CTNNA2: variants seen among roughly 807,000 people sequenced by gnomAD.
CTNNA2 encodes catenin alpha-2.
Under a neutral mutation model 101.0 loss-of-function variants are expected in CTNNA2, and 42 were observed. The observed-to-expected ratio is 0.42, with a 90% CI of 0.32 to 0.54. The LOEUF is 0.54. CTNNA2 is among the 20% of genes least tolerant of loss of function. CTNNA2 has a pLI of 0.14. For synonymous variants in CTNNA2, 450 were observed against 456.4 expected, an observed-to-expected ratio of 0.99 and a Z score of 0.18; for missense variants, 871 against 1,223.1, an observed-to-expected ratio of 0.71 and a Z score of 4.29.
chr2:79,687,492 AT>A, intron 2 of CTNNA2: 1 of 463,290 alleles, frequency 2.2e-6, no homozygotes, highest in South Asian at 3.5e-5. Context: ...TTTCATTTTT[AT>A]TTGCATTACC....
intron 6 of CTNNA2, among the ~76,000 whole-genome samples, chr2:79,895,313 G>C (rs1362848513): frequency 6.6e-6 from 1 of 152,136 alleles, no homozygotes; most frequent in East Asian, 1.9e-4. Flanking sequence ...GACAGAAGAA[G>C]ATAGATGAGT....
intron 7 of CTNNA2, among the ~76,000 whole-genome samples, chr2:80,334,731 C>G (rs970270709): frequency 6.6e-6 from 1 of 152,154 alleles, no homozygotes; most frequent in Non-Finnish European, 1.5e-5. Flanking sequence ...ATCAGAGCAC[C>G]TTCACTCCTT....
In CTNNA2 at chr2:80,297,233, G is replaced by A. The variant is rs556410980; in HGVS notation, c.1057-95978G>A. On this transcript the variant is annotated intron_variant, in intron 7 of 18. Transcript: ENST00000402739. ...CAGTCTAGTTCTAGGCTCTTTGTTA[G>A]GTGTAGGAGTGGAGGGGCAACCATT... Among the ~76,000 whole-genome samples the A allele has an allele frequency of 9.9e-5, 15 of 152,268 alleles. 1 individual carries two copies. The highest frequency in any genetic ancestry group is 3.6e-4 in the African/African-American group (15 of 41,558).
intron 7 of CTNNA2, among the ~76,000 whole-genome samples, chr2:80,081,009 T>C (rs1197291760): frequency 6.8e-6 from 1 of 147,552 alleles, no homozygotes; most frequent in Admixed American, 6.7e-5. Context: ...TGGGACATAC[T>C]TTATACGTGT....
rs574260669 is a variant in CTNNA2, at chr2:80,294,430, C to T, written c.1057-98781C>T. Reference sequence around the variant, plus strand: ...TGACTCCCTTCTCCCTGCCATGTAGCCCACGTAACCTGACCCCATGGAGCC... The same window carrying T: ...TGACTCCCTTCTCCCTGCCATGTAGTCCACGTAACCTGACCCCATGGAGCC... On this transcript the variant is annotated intron_variant, in intron 7 of 18. Coordinates refer to ENST00000402739, the MANE Select transcript of CTNNA2 (RefSeq NM_001282597.3). Among the ~76,000 whole-genome samples, 73 of 152,028 alleles carry T rather than the reference C, an allele frequency of 4.8e-4. 1 individual carries two copies. Among genetic ancestry groups the T allele is most frequent in the African/African-American group, 9.9e-4 (41 of 41,468 alleles).
intron 2 of CTNNA2, among the ~76,000 whole-genome samples, chr2:79,242,447 G>A (rs1335945260): frequency 1.3e-5 from 2 of 152,006 alleles, no homozygotes; most frequent in East Asian, 3.9e-4. Context: ...CCGTCTTGTG[G>A]AGACTATTCC....
chr2:79,533,820 A>G (rs1426207730), intron 1 of CTNNA2, among the ~76,000 whole-genome samples: 1 of 152,164 alleles, frequency 6.6e-6, no homozygotes, highest in Non-Finnish European at 1.5e-5. Flanking sequence ...CAAAGAGGAA[A>G]CAACAAAACA....
intron 1 of CTNNA2, among the ~76,000 whole-genome samples, chr2:79,521,594 G>C (rs911221905): frequency 2.0e-5 from 3 of 152,130 alleles, no homozygotes; most frequent in African/African-American, 7.2e-5. Context: ...CCTTCACTGG[G>C]TGGAGGAGGT....
intron 2 of CTNNA2, among the ~76,000 whole-genome samples, chr2:79,304,559 T>A (rs1676188626): frequency 6.6e-6 from 1 of 152,138 alleles, no homozygotes; most frequent in Non-Finnish European, 1.5e-5. Flanking sequence ...ATACCTTGAT[T>A]GCAGACTCAT....
At chr2:80,472,924 C>G (rs1685424117) in intron 9 of CTNNA2, among the ~76,000 whole-genome samples, 2 of 152,090 alleles carry the variant, frequency 1.3e-5, no homozygotes, top group Admixed American at 1.3e-4. Flanking sequence ...TCTGCCTCGC[C>G]CCATCCCACC....
intron 3 of CTNNA2, among the ~76,000 whole-genome samples, chr2:79,829,360 T>TACACACACACACACACACAC (rs55934940): frequency 1.2e-4 from 14 of 113,200 alleles, no homozygotes; most frequent in Admixed American, 6.6e-4. Context: ...CAACTAAAAC[T>TACACACACACACACACACAC]ACACACACAC....
chr2:79,477,141 T>C (rs1166164526), intron 4 of CTNNA2, among the ~76,000 whole-genome samples: 1 of 149,832 alleles, frequency 6.7e-6, no homozygotes, highest in Non-Finnish European at 1.5e-5. Flanking sequence ...TTTCTTTTTC[T>C]TTTTATTTCT....
intron 4 of CTNNA2, among the ~76,000 whole-genome samples, chr2:79,412,830 G>T (rs1397453187): frequency 2.0e-5 from 3 of 152,040 alleles, no homozygotes. Flanking sequence ...ACGGATATGA[G>T]CCACCTGTTC....
intron 7 of CTNNA2, among the ~76,000 whole-genome samples, chr2:80,253,119 C>G (rs1412423035): frequency 1.3e-5 from 2 of 152,058 alleles, no homozygotes; most frequent in African/African-American, 4.8e-5. Flanking sequence ...TATATTAACC[C>G]TAACCCAAAA....
chr2:79,996,925 T>G (rs919660834), intron 7 of CTNNA2, among the ~76,000 whole-genome samples: 2 of 152,124 alleles, frequency 1.3e-5, no homozygotes, highest in Admixed American at 6.5e-5. Context: ...TCAGTTGGCT[T>G]GCTCAGAGAT....
chr2:79,287,863 A>C (rs1278851518), intron 2 of CTNNA2, among the ~76,000 whole-genome samples: 1 of 152,154 alleles, frequency 6.6e-6, no homozygotes, highest in South Asian at 2.1e-4. Context: ...GCCACCTTGC[A>C]GTTTGATCTC....
rs1574348278 is a variant in CTNNA2, at chr2:79,933,706, C to T, written c.1056+23909C>T. 2.6e-5 allele frequency among the ~76,000 whole-genome samples: 4 copies of T among 152,126 alleles called. No individual in the cohort carries two copies. In the South Asian group the frequency reaches 8.3e-4, roughly 31 times the overall value. On this transcript the variant is annotated intron_variant, in intron 7 of 18. Coordinates refer to ENST00000402739, the MANE Select transcript of CTNNA2 (RefSeq NM_001282597.3). The stretch of plus-strand genomic sequence containing the variant: ...CTGACCTCAGGTGATCCACCTGCCT[C>T]GGCCTCCCAAAGTGCTGGGATTACA...
chr2:80,458,713 A>G (rs1684181737), intron 9 of CTNNA2, among the ~76,000 whole-genome samples: 1 of 152,172 alleles, frequency 6.6e-6, no homozygotes, highest in African/African-American at 2.4e-5. Context: ...ACCACACACC[A>G]AAAGCTCTAA....
intron 1 of CTNNA2, among the ~76,000 whole-genome samples, chr2:79,631,248 G>A (rs970980696): frequency 2.0e-5 from 3 of 152,154 alleles, no homozygotes; most frequent in African/African-American, 7.2e-5. Flanking sequence ...GAATCAAATA[G>A]TTGTCTACTT....
Sources: gnomAD v4.1 joint callset for allele counts (sites outside exome capture counted in the v4.1 genomes callset) on GRCh38, gnomAD v4.1.1 for gene constraint, MANE v1.5 for transcripts, NCBI Gene and HGNC (gene_info 2026-07-23, HGNC 2026-07-21) for gene names.